ELFN1: variants seen among roughly 807,000 people sequenced by gnomAD.
ELFN1 encodes extracellular leucine rich repeat and fibronectin type III domain containing 1, also known as protein ELFN1.
Under a neutral mutation model 7.6 loss-of-function variants are expected in ELFN1, and 6 were observed. That is an observed-to-expected ratio of 0.79 (90% confidence interval 0.43 to 1.56). ELFN1 has a LOEUF of 1.56. ELFN1 is among the 40% of genes most tolerant of loss of function. The pLI is 0.01. For missense variants in ELFN1, 1,169 were observed against 1,232.2 expected, an observed-to-expected ratio of 0.95 and a Z score of 0.77; for synonymous variants, 657 against 588.1, an observed-to-expected ratio of 1.12 and a Z score of -1.70.
At position 1,746,390 on chromosome 7, in the gene ELFN1, G is replaced by A. The variant is rs1033180867; in HGVS notation, c.1794G>A (p.Leu598=). 5.9e-6 allele frequency: 9 copies of A among 1,536,542 alleles called. No individual in the cohort carries two copies. Among genetic ancestry groups the A allele is most frequent in the Non-Finnish European group, 7.9e-6 (9 of 1,142,392 alleles). Residue 598 remains leucine (L), a synonymous_variant, in exon 4 of 4, where the codon CTG becomes CTA. Coordinates refer to ENST00000424383, the MANE Select transcript of ELFN1 (RefSeq NM_001128636.4). ...SGPVSVAEPP[L]VLLSEPLAAK... ...CCGTGTCCGTCGCGGAGCCGCCGCT[G>A]GTGCTGCTGTCCGAGCCGCTGGCCG...
chr7:1,713,727 AG>A (rs1779735778), intron 3 of ELFN1, among the ~76,000 whole-genome samples: 1 of 152,044 alleles, frequency 6.6e-6, no homozygotes, highest in African/African-American at 2.4e-5. Context: ...TCCCCTCCGT[AG>A]GTCTCGGTTT....
chr7:1,729,425 T>G (rs1179212411), intron 3 of ELFN1, among the ~76,000 whole-genome samples: 1 of 152,078 alleles, frequency 6.6e-6, no homozygotes, highest in Non-Finnish European at 1.5e-5. Flanking sequence ...CCCAAGCCAG[T>G]GCCATGGCCC....
At chr7:1,697,356 G>T (rs1454970699) in intron 2 of ELFN1, among the ~76,000 whole-genome samples, 1 of 152,224 alleles carries the variant, frequency 6.6e-6, no homozygotes, top group African/African-American at 2.4e-5. Flanking sequence ...CCTCCACGGG[G>T]ATATCTGGGC....
chr7:1,712,222 C>T (rs1779677698), intron 3 of ELFN1, among the ~76,000 whole-genome samples: 1 of 152,194 alleles, frequency 6.6e-6, no homozygotes, highest in Admixed American at 6.5e-5. Flanking sequence ...CTCGCTCTGT[C>T]GCCCAGGCTG....
intron 3 of ELFN1, among the ~76,000 whole-genome samples, chr7:1,719,965 G>A (rs1231693443): frequency 4.9e-5 from 7 of 141,470 alleles, no homozygotes; most frequent in Non-Finnish European, 9.4e-5. Context: ...GCACTCAGGT[G>A]GGGGCCTCCC....
intron 1 of ELFN1, among the ~76,000 whole-genome samples, chr7:1,671,579 T>C (rs1778768094): frequency 6.6e-6 from 1 of 152,202 alleles, no homozygotes; most frequent in Non-Finnish European, 1.5e-5. Flanking sequence ...TCTCAGGGGC[T>C]GCCCCCTAGA....
chr7:1,690,638 GATGA>G (rs961741998), intron 2 of ELFN1, among the ~76,000 whole-genome samples: 1 of 151,090 alleles, frequency 6.6e-6, no homozygotes, highest in African/African-American at 2.4e-5. Flanking sequence ...AGGATGAATG[GATGA>G]ATGGGTGGGT....
intron 2 of ELFN1, among the ~76,000 whole-genome samples, chr7:1,706,969 C>T (rs753862565): frequency 3.3e-5 from 5 of 152,004 alleles, no homozygotes; most frequent in Admixed American, 2.0e-4. Flanking sequence ...CCTCTGTGTG[C>T]GCATGCATGA....
At chr7:1,741,621 G>A (rs1780616520) in intron 3 of ELFN1, among the ~76,000 whole-genome samples, 1 of 152,232 alleles carries the variant, frequency 6.6e-6, no homozygotes, top group African/African-American at 2.4e-5. Context: ...TGAACCAGGT[G>A]AGCCAGGAAG....
At chr7:1,719,152 GGGCCCCGCCCAC>G (rs1376146146) in intron 3 of ELFN1, among the ~76,000 whole-genome samples, 39 of 141,666 alleles carry the variant, frequency 2.8e-4, no homozygotes, top group African/African-American at 1.1e-3. Flanking sequence ...GCCACCAACA[GGGCCCCGCCCAC>G]CAACAGGGCC....
At position 1,705,322 on chromosome 7, in the gene ELFN1, A is replaced by G. The variant is rs1276989524; in HGVS notation, c.-455-3769A>G. On this transcript the variant is annotated intron_variant, in intron 2 of 3. Transcript: ENST00000424383. This position sits in a 1 kb window ranked among gnomAD's most constrained non-coding sequence, Gnocchi z 4.3. Reference sequence around the variant, plus strand: ...ATATGCAAATGGTATAATTACTGTTATTTGTTTTGCTGATATAAGTGTTTG... The same window carrying G: ...ATATGCAAATGGTATAATTACTGTTGTTTGTTTTGCTGATATAAGTGTTTG... Among the ~76,000 whole-genome samples the G allele has an allele frequency of 6.6e-6, 1 of 152,194 alleles. No homozygotes were observed. The highest frequency in any genetic ancestry group is 1.5e-5 in the Non-Finnish European group (1 of 68,018).
At position 1,747,191 on chromosome 7, in the gene ELFN1, G is replaced by A. The variant is rs1320812211; in HGVS notation, c.*108G>A. Reference sequence around the variant, plus strand: ...ACGCCACCACAGCAACTGTGACAGCGGGGGGCCCTGCAGAGGCGAGGGGGG... The same window carrying A: ...ACGCCACCACAGCAACTGTGACAGCAGGGGGCCCTGCAGAGGCGAGGGGGG... On this transcript the variant is annotated 3_prime_UTR_variant, in exon 4 of 4. Coordinates refer to ENST00000424383, the MANE Select transcript of ELFN1 (RefSeq NM_001128636.4). 93 of 1,275,328 alleles carry A rather than the reference G, an allele frequency of 7.3e-5. No homozygotes were observed. The highest frequency in any genetic ancestry group is 1.3e-4 in the Admixed American group (4 of 31,256). The allele number at this position is 1,275,328 out of a possible 1,614,324, so 79.0% of individuals were successfully genotyped here.
intron 2 of ELFN1, among the ~76,000 whole-genome samples, chr7:1,700,232 A>G (rs1779399136): frequency 6.6e-6 from 1 of 151,530 alleles, no homozygotes; most frequent in Non-Finnish European, 1.5e-5. Flanking sequence ...CGAAAGTCCC[A>G]TCTGAGCCAG....
Position 1,747,023 on chromosome 7 carries a change from C to G in ELFN1, c.2427C>G (p.Asp809Glu), listed in dbSNP as rs758397436. 1.3e-6 allele frequency: 2 copies of G among 1,559,342 alleles called. No individual in the cohort carries two copies. Among genetic ancestry groups the G allele is most frequent in the Non-Finnish European group, 1.7e-6 (2 of 1,152,072 alleles). The change falls in exon 4 of 4, where the codon GAC becomes GAG. Residue 809 changes from aspartate (D) to glutamate (E), a missense_variant. Coordinates refer to ENST00000424383, the MANE Select transcript of ELFN1 (RefSeq NM_001128636.4). ...GCAAGAAGGTTCAGTTCGCCAAAGA[C>G]GAGGATCTGCACGACATCCTGGACT... ...ALRKKVQFAK[D>E]EDLHDILDYW...
At chr7:1,675,382 C>G (rs1187329906) in intron 1 of ELFN1, among the ~76,000 whole-genome samples, 1 of 152,230 alleles carries the variant, frequency 6.6e-6, no homozygotes. Flanking sequence ...GCTGCCCTGA[C>G]ATTTGGAGGC....
upstream of ELFN1, among the ~76,000 whole-genome samples, chr7:1,667,996 C>A (rs1274398874): frequency 6.6e-6 from 1 of 152,002 alleles, no homozygotes; most frequent in Non-Finnish European, 1.5e-5. The surrounding 1 kb of genome is among the most constrained non-coding windows in gnomAD (Gnocchi z 8.2). Flanking sequence ...AGGACTCGAC[C>A]CCTGCCGTGC....
At chr7:1,668,970 G>A (rs1778711427), upstream of ELFN1, among the ~76,000 whole-genome samples, 1 of 152,190 alleles carries the variant, frequency 6.6e-6, no homozygotes, top group South Asian at 2.1e-4. Flanking sequence ...CCCCTATCAC[G>A]GGAGCCCCAC....
upstream of ELFN1, among the ~76,000 whole-genome samples, chr7:1,668,642 CAG>C (rs1326903828): frequency 6.6e-6 from 1 of 152,220 alleles, no homozygotes; most frequent in Non-Finnish European, 1.5e-5. Flanking sequence ...GGAGACCTCA[CAG>C]ACAGGCAGGG....
In ELFN1 at chr7:1,705,204, C is replaced by A. The variant is rs907768762; in HGVS notation, c.-455-3887C>A. Among the ~76,000 whole-genome samples the A allele has an allele frequency of 6.6e-6, 1 of 152,102 alleles. No homozygotes were observed. Among genetic ancestry groups the A allele is most frequent in the Non-Finnish European group, 1.5e-5 (1 of 67,982 alleles). On this transcript the variant is annotated intron_variant, in intron 2 of 3. Coordinates refer to ENST00000424383, the MANE Select transcript of ELFN1 (RefSeq NM_001128636.4). This position sits in a 1 kb window ranked among gnomAD's most constrained non-coding sequence, Gnocchi z 4.3. ...CATGGAGGTGCAGGGTGGCAGGGAC[C>A]CTGGGCGGGGCGGCACAGCTGTGCG...
Sources: gnomAD v4.1 joint callset for allele counts (sites outside exome capture counted in the v4.1 genomes callset) on GRCh38, gnomAD v4.1.1 for gene constraint, Gnocchi (gnomAD v3.1) non-coding constraint, MANE v1.5 for transcripts, NCBI Gene and HGNC (gene_info 2026-07-23, HGNC 2026-07-21) for gene names.